ZRANB3: variants seen among roughly 807,000 people sequenced by gnomAD.
The protein encoded by ZRANB3 is zinc finger RANBP2-type containing 3.
A neutral mutation model predicts 133.8 loss-of-function variants in ZRANB3; 125 were observed. The ratio of observed to expected loss-of-function variants is 0.93; its 90% CI spans 0.81 to 1.08. ZRANB3 has a LOEUF of 1.08. Ranked by LOEUF, ZRANB3 falls within the 50% of genes least tolerant of loss-of-function variation. The pLI is 0.00. For missense variants in ZRANB3, 1,229 were observed against 1,275.5 expected (o/e 0.96, Z 0.56); for synonymous variants, 387 against 432.7 (o/e 0.89, Z 1.31).
intron 18 of ZRANB3, 43 bp from the exon 19 acceptor site, chr2:135,207,879 T>G (rs1693945583): frequency 6.5e-7 from 1 of 1,527,246 alleles, no homozygotes. Flanking sequence ...AATGAATGAT[T>G]AGGCTAAATA....
intron 8 of ZRANB3, among the ~76,000 whole-genome samples, chr2:135,307,797 G>T (rs1289874240): frequency 6.6e-6 from 1 of 152,182 alleles, no homozygotes; most frequent in Non-Finnish European, 1.5e-5. Context: ...AGTGAATGTA[G>T]TCAGCGCTGA....
chr2:135,204,152 A>G (rs937981733), intron 19 of ZRANB3, among the ~76,000 whole-genome samples: 2 of 152,332 alleles, frequency 1.3e-5, no homozygotes. Context: ...AGAGGCAACA[A>G]GTTGGAGCAG....
At chr2:135,318,248 G>GTGTGTA (rs2104830539) in intron 6 of ZRANB3, among the ~76,000 whole-genome samples, 1 of 151,130 alleles carries the variant, frequency 6.6e-6, no homozygotes, top group African/African-American at 2.4e-5. Context: ...GTGTGTGTGT[G>GTGTGTA]TGTGTGTGTG....
At chr2:135,301,477 C>T (rs1659030533) in intron 8 of ZRANB3, among the ~76,000 whole-genome samples, 1 of 152,088 alleles carries the variant, frequency 6.6e-6, no homozygotes, top group South Asian at 2.1e-4. Context: ...TGAGCCACCA[C>T]ACCTAGCTAT....
At chr2:135,358,901 C>T (rs1201209069) in intron 3 of ZRANB3, among the ~76,000 whole-genome samples, 2 of 151,818 alleles carry the variant, frequency 1.3e-5, no homozygotes, top group South Asian at 2.1e-4. Context: ...ATGCAAGCCC[C>T]GGCCCACATG....
chr2:135,206,056 T>G (rs1036956925), intron 19 of ZRANB3, among the ~76,000 whole-genome samples: 2 of 152,134 alleles, frequency 1.3e-5, no homozygotes, highest in African/African-American at 4.8e-5. Flanking sequence ...AAACAATACC[T>G]TGCAGATACA....
At chr2:135,365,712 T>C (rs977652790) in intron 3 of ZRANB3, among the ~76,000 whole-genome samples, 4 of 152,182 alleles carry the variant, frequency 2.6e-5, no homozygotes, top group Non-Finnish European at 4.4e-5. Flanking sequence ...ATTACTGCCA[T>C]TAAGGACCAT....
At chr2:135,252,137 AAAT>A (rs1454743132) in intron 12 of ZRANB3, among the ~76,000 whole-genome samples, 2 of 152,230 alleles carry the variant, frequency 1.3e-5, no homozygotes, top group Non-Finnish European at 2.9e-5. Flanking sequence ...AATGGGAGCT[AAAT>A]AATAAGAACT....
At chr2:135,458,352 T>C (rs1306582767) in intron 2 of ZRANB3, among the ~76,000 whole-genome samples, 1 of 151,996 alleles carries the variant, frequency 6.6e-6, no homozygotes, top group Non-Finnish European at 1.5e-5. Flanking sequence ...CTATCTTGGA[T>C]CCTTTGCATT....
intron 2 of ZRANB3, among the ~76,000 whole-genome samples, chr2:135,494,654 G>C (rs558363003): frequency 8.5e-5 from 13 of 152,190 alleles, no homozygotes; most frequent in Admixed American, 5.2e-4. Context: ...CTTGGCCTTG[G>C]GGCTAAGAGG....
intron 12 of ZRANB3, among the ~76,000 whole-genome samples, chr2:135,244,068 A>G (rs1319146251): frequency 6.6e-6 from 1 of 151,672 alleles, no homozygotes; most frequent in Non-Finnish European, 1.5e-5. Context: ...TATTTTAAAG[A>G]ATCTGTTTAT....
At chr2:135,208,812 T>C (rs948372562) in intron 18 of ZRANB3, 56 bp downstream of exon 18, 3 of 1,429,490 alleles carry the variant, frequency 2.1e-6, no homozygotes, top group Non-Finnish European at 2.0e-6. Flanking sequence ...AATCAATACA[T>C]AAATGTAAAG....
At chr2:135,297,243 C>A (rs920331038) in intron 8 of ZRANB3, among the ~76,000 whole-genome samples, 1 of 152,208 alleles carries the variant, frequency 6.6e-6, no homozygotes, top group Non-Finnish European at 1.5e-5. Flanking sequence ...AGCTTCCCGG[C>A]CACTTTGTTT....
At chr2:135,263,806 C>G (rs1055855651) in intron 12 of ZRANB3, among the ~76,000 whole-genome samples, 5 of 151,402 alleles carry the variant, frequency 3.3e-5, no homozygotes, top group African/African-American at 1.2e-4. Flanking sequence ...GACAGAGTCT[C>G]ACTCTGTCAC....
intron 12 of ZRANB3, among the ~76,000 whole-genome samples, chr2:135,235,299 C>A (rs1185102772): frequency 6.6e-6 from 1 of 152,144 alleles, no homozygotes; most frequent in Non-Finnish European, 1.5e-5. Context: ...TAATTAATAG[C>A]TTACCAACCA....
At chr2:135,433,071 G>A (rs192179997) in intron 2 of ZRANB3, among the ~76,000 whole-genome samples, 34 of 152,202 alleles carry the variant, frequency 2.2e-4, no homozygotes, top group African/African-American at 7.9e-4. Flanking sequence ...ATGTATGCTG[G>A]GCTGAAACTC....
chr2:135,364,695 T>C (rs933277002), intron 3 of ZRANB3, among the ~76,000 whole-genome samples: 5 of 151,978 alleles, frequency 3.3e-5, no homozygotes, highest in African/African-American at 1.2e-4. Flanking sequence ...AAGGTTGCAG[T>C]GAGCTGAGAT....
intron 19 of ZRANB3, among the ~76,000 whole-genome samples, chr2:135,203,193 G>GA (rs1215384451): frequency 6.6e-6 from 1 of 151,886 alleles, no homozygotes; most frequent in Non-Finnish European, 1.5e-5. Context: ...AACTCATTTT[G>GA]AAAAAATTAC....
chr2:135,518,658 G>C (rs1693796808), intron 1 of ZRANB3, among the ~76,000 whole-genome samples: 1 of 152,138 alleles, frequency 6.6e-6, no homozygotes, highest in Non-Finnish European at 1.5e-5. Flanking sequence ...CTGGTCTTCT[G>C]AGTTGATCTC....
Sources: gnomAD v4.1 joint callset for allele counts (sites outside exome capture counted in the v4.1 genomes callset) on GRCh38, gnomAD v4.1.1 for gene constraint, MANE v1.5 for transcripts, NCBI Gene and HGNC (gene_info 2026-07-23, HGNC 2026-07-21) for gene names.